HNRNPM: variants seen among roughly 807,000 people sequenced by gnomAD.
The protein encoded by HNRNPM is CEA receptor.
Under a neutral mutation model 73.1 loss-of-function variants are expected in HNRNPM, and 11 were observed. That is an observed-to-expected ratio of 0.15 (90% CI 0.09 to 0.25). HNRNPM has a LOEUF of 0.25. HNRNPM is among the 10% of genes least tolerant of loss of function. HNRNPM has a pLI of 1.00. For synonymous variants in HNRNPM, 407 were observed against 355.2 expected (o/e 1.15, Z -1.64); for missense variants, 789 against 1,067.9 (o/e 0.74, Z 3.64).
chr19:8,486,121 C>A lies in HNRNPM; in HGVS notation c.1693C>A (p.Arg565=). 1 of 1,604,438 alleles carries A rather than the reference C, an allele frequency of 6.2e-7. No individual in the cohort carries two copies. The highest frequency in any genetic ancestry group is 8.5e-7 in the Non-Finnish European group (1 of 1,179,056). ...GCGCATGGGCGCCAACAATCTGGAG[C>A]GGATGGGCCTGGAGCGCATGGGCGC... ...LERMGANNLE[R]MGLERMGANS... is the part of the protein sequence containing the mutation. The change falls in exon 14 of 16, where the codon CGG becomes AGG. Residue 565 remains arginine (R), a synonymous_variant. Coordinates refer to ENST00000325495, the MANE Select transcript of HNRNPM (RefSeq NM_005968.5).
At chr19:8,463,133 C>T (rs909029721) in intron 3 of HNRNPM, among the ~76,000 whole-genome samples, 9 of 152,060 alleles carry the variant, frequency 5.9e-5, no homozygotes, top group East Asian at 1.9e-4. Context: ...GCTTAACTTA[C>T]GGAAGGGATG....
Position 8,481,043 on chromosome 19 carries a change from G to A in HNRNPM, c.1121-2115G>A, listed in dbSNP as rs183799401. Among the ~76,000 whole-genome samples, 329 of 152,262 alleles carry A rather than the reference G, an allele frequency of 2.2e-3. 1 individual carries two copies. The highest frequency in any genetic ancestry group is 7.5e-3 in the African/African-American group (312 of 41,546). ...AGATTCAATTCTTGACCTCTTTCCCGTGTCCTTTGCCATGAGAGGTGAACC... is the reference window on the plus strand; with the variant it reads ...AGATTCAATTCTTGACCTCTTTCCCATGTCCTTTGCCATGAGAGGTGAACC... On this transcript the variant is annotated intron_variant, in intron 12 of 15. Transcript: ENST00000325495.
intron 9 of HNRNPM, among the ~76,000 whole-genome samples, chr19:8,469,076 A>G (rs1347874515): frequency 6.6e-6 from 1 of 152,192 alleles, no homozygotes; most frequent in East Asian, 1.9e-4. Flanking sequence ...GTGGTTAGGC[A>G]TTTTGAAAGT....
rs1009634073 is a variant in HNRNPM at position 8,474,515 on chromosome 19, G to A, written c.1120+271G>A. 3.9e-5 allele frequency among the ~76,000 whole-genome samples: 6 copies of A among 152,254 alleles called. No individual in the cohort carries two copies. In the South Asian group the frequency reaches 6.2e-4, roughly 16 times the overall value. On this transcript the variant is annotated intron_variant, in intron 12 of 15. Coordinates refer to ENST00000325495, the MANE Select transcript of HNRNPM (RefSeq NM_005968.5). The stretch of plus-strand genomic sequence containing the variant: ...TGTTAAAAAGCATGTACACGTTCGT[G>A]GTTATGGTCTCCGAGTATGAGGGAT...
chr19:8,466,472 G>GACTGTGTGTATTT, intron 7 of HNRNPM, 84 bp downstream of exon 7: 1 of 1,322,702 alleles, frequency 7.6e-7, no homozygotes, highest in Non-Finnish European at 1.1e-6. Flanking sequence ...AGGAAGAGGT[G>GACTGTGTGTATTT]ACTGTGTGTA....
chr19:8,445,180 G>C, intron 1 of HNRNPM, 69 bp downstream of exon 1: 16 of 1,280,430 alleles, frequency 1.2e-5, no homozygotes, highest in Non-Finnish European at 1.6e-5. Context: ...CGGCGGCTCC[G>C]TTAGGTCTGT....
intron 8 of HNRNPM, among the ~76,000 whole-genome samples, chr19:8,467,793 G>C (rs566749044): frequency 1.3e-5 from 2 of 152,298 alleles, no homozygotes; most frequent in South Asian, 4.1e-4. Context: ...TTGGGAGTCT[G>C]AGGCAGGCGG....
At chr19:8,450,734 T>A (rs1275138529) in intron 1 of HNRNPM, among the ~76,000 whole-genome samples, 1 of 146,008 alleles carries the variant, frequency 6.8e-6, no homozygotes, top group Non-Finnish European at 1.5e-5. Flanking sequence ...ATTATTTTTT[T>A]TTTTTTTGAG....
chr19:8,474,853 T>TA (rs1276012864), intron 12 of HNRNPM, among the ~76,000 whole-genome samples: 1 of 152,032 alleles, frequency 6.6e-6, no homozygotes, highest in Non-Finnish European at 1.5e-5. Flanking sequence ...TAGCTGGTAT[T>TA]ACAGGTGTGT....
intron 2 of HNRNPM, among the ~76,000 whole-genome samples, chr19:8,456,748 C>T (rs1969054484): frequency 6.6e-6 from 1 of 152,178 alleles, no homozygotes; most frequent in African/African-American, 2.4e-5. Context: ...CTGTGAACCT[C>T]TCCGTACAGT....
At position 8,465,473 on chromosome 19, in the gene HNRNPM, A is replaced by G. The variant is rs372478180; in HGVS notation, c.588A>G (p.Ala196=). ...ACATCCCAAATGAGATTATCCATGC[A>G]TTACAGGCTGGAAGACTTGGAAGCA... ...NPNIPNEIIH[A]LQAGRLGSTV... Residue 196 remains alanine, a synonymous_variant, in exon 6 of 16, where the codon GCA becomes GCG. Transcript: ENST00000325495. 1 of 1,613,304 alleles carries G rather than the reference A, an allele frequency of 6.2e-7. No homozygotes were observed. The highest frequency in any genetic ancestry group is 8.5e-7 in the Non-Finnish European group (1 of 1,179,624).
intron 1 of HNRNPM, among the ~76,000 whole-genome samples, chr19:8,448,278 C>T (rs1007383290): frequency 2.6e-5 from 4 of 152,024 alleles, no homozygotes; most frequent in Non-Finnish European, 4.4e-5. Context: ...AGTTACTTCT[C>T]TCCTGGGTGT....
chr19:8,453,488 G>T (rs1968774678), intron 1 of HNRNPM, among the ~76,000 whole-genome samples: 1 of 152,152 alleles, frequency 6.6e-6, no homozygotes, highest in African/African-American at 2.4e-5. Context: ...CTACTATCTG[G>T]TGTTTCTTCC....
intron 1 of HNRNPM, among the ~76,000 whole-genome samples, chr19:8,446,396 G>C (rs1348448024): frequency 2.6e-5 from 4 of 152,144 alleles, no homozygotes; most frequent in African/African-American, 4.8e-5. Context: ...AGTGAATGCG[G>C]TTGAGCACTT....
chr19:8,452,069 G>A (rs910047727), intron 1 of HNRNPM, among the ~76,000 whole-genome samples: 12 of 152,180 alleles, frequency 7.9e-5, no homozygotes, highest in Non-Finnish European at 1.6e-4. Context: ...CTTTCTCAAT[G>A]GTGAGTCATG....
At chr19:8,472,643 A>G (rs1262905455) in intron 10 of HNRNPM, among the ~76,000 whole-genome samples, 3 of 152,164 alleles carry the variant, frequency 2.0e-5, no homozygotes, top group Non-Finnish European at 4.4e-5. Context: ...CAGTGGCTCA[A>G]TCTCAGCTTA....
At chr19:8,448,278 C>G (rs1007383290) in intron 1 of HNRNPM, among the ~76,000 whole-genome samples, 1 of 152,024 alleles carries the variant, frequency 6.6e-6, no homozygotes, top group African/African-American at 2.4e-5. Flanking sequence ...AGTTACTTCT[C>G]TCCTGGGTGT....
chr19:8,479,003 A>G (rs774857082), intron 12 of HNRNPM, among the ~76,000 whole-genome samples: 1 of 150,624 alleles, frequency 6.6e-6, no homozygotes, highest in Non-Finnish European at 1.5e-5. Flanking sequence ...ATTTAGGCCT[A>G]TCCGTATGCA....
intron 2 of HNRNPM, among the ~76,000 whole-genome samples, chr19:8,456,431 C>T (rs1969032603): frequency 1.3e-5 from 2 of 152,198 alleles, no homozygotes; most frequent in African/African-American, 2.4e-5. Context: ...TAGACAACAC[C>T]GTGGTAGAGA....
Sources: allele counts gnomAD v4.1 joint callset (sites outside exome capture counted in the v4.1 genomes callset), GRCh38; gene constraint gnomAD v4.1.1; transcripts MANE v1.5; gene names NCBI Gene and HGNC (gene_info 2026-07-23, HGNC 2026-07-21).